The following CACNA1C variants were observed in gnomAD, a reference collection of about 807,000 sequenced individuals.
CACNA1C encodes the protein voltage-dependent L-type calcium channel subunit alpha-1C.
In CACNA1C, 30 loss-of-function variants were observed where a neutral mutation model predicts 229.0. That is an observed-to-expected ratio of 0.13 (90% CI 0.10 to 0.18). The LOEUF (loss-of-function observed/expected upper bound fraction) is 0.18, where lower values mean the gene tolerates loss of function less well. Among genes scored for constraint, CACNA1C ranks in the 10% least tolerant of loss-of-function variants. The pLI is 1.00. For missense variants in CACNA1C, 1,658 were observed against 2,845.0 expected (o/e 0.58, Z 9.49); for synonymous variants, 1,114 against 1,132.5 (o/e 0.98, Z 0.33).
At chr12:2,050,331 T>C (rs532830016), upstream of CACNA1C, among the ~76,000 whole-genome samples, 3 of 152,300 alleles carry the variant, frequency 2.0e-5, no homozygotes, top group African/African-American at 7.2e-5. Context: ...AGTCTCGAAG[T>C]CTCAGTTTCC....
intron 3 of CACNA1C, among the ~76,000 whole-genome samples, chr12:2,204,912 G>A (rs1326714461): frequency 6.8e-6 from 1 of 147,944 alleles, no homozygotes; most frequent in Non-Finnish European, 1.5e-5. Context: ...CCTGCACAAT[G>A]TGCACATGTA....
chr12:2,538,912 G>T (rs4765954), intron 9 of CACNA1C, among the ~76,000 whole-genome samples: 2 of 151,994 alleles, frequency 1.3e-5, no homozygotes, highest in African/African-American at 4.8e-5. Context: ...TCTATTCTGC[G>T]GTGGGGCTGG....
At chr12:2,495,797 T>A (rs2099745618) in intron 7 of CACNA1C, among the ~76,000 whole-genome samples, 1 of 152,216 alleles carries the variant, frequency 6.6e-6, no homozygotes. Context: ...TGTGTGCATT[T>A]GTATGTGTGT....
chr12:2,411,394 G>C (rs980427038), intron 3 of CACNA1C, among the ~76,000 whole-genome samples: 14 of 152,208 alleles, frequency 9.2e-5, no homozygotes, highest in African/African-American at 2.4e-4. Context: ...GGCTGGAGGT[G>C]GGGGGTACAC....
chr12:2,294,724 C>T (rs776361198), intron 3 of CACNA1C, among the ~76,000 whole-genome samples: 5 of 152,258 alleles, frequency 3.3e-5, no homozygotes, highest in East Asian at 1.9e-4. Flanking sequence ...TGTAACATGT[C>T]GCCTCAATAT....
chr12:1,997,481 C>A (rs899770972), intron 1 of CACNA1C, among the ~76,000 whole-genome samples: 1 of 152,148 alleles, frequency 6.6e-6, no homozygotes, highest in Admixed American at 6.5e-5. Context: ...GAGCTGTGAT[C>A]GTGCCACTGC....
intron 5 of CACNA1C, among the ~76,000 whole-genome samples, chr12:2,474,765 AAAAAAAAG>A (rs1406609071): frequency 6.6e-6 from 1 of 151,606 alleles, no homozygotes; most frequent in East Asian, 1.9e-4. Context: ...TCAAAAAAAA[AAAAAAAAG>A]AAAGAAAGAA....
At chr12:2,107,008 TG>T (rs1307927442) in intron 1 of CACNA1C, among the ~76,000 whole-genome samples, 11 of 107,874 alleles carry the variant, frequency 1.0e-4, no homozygotes, top group African/African-American at 2.9e-4. Context: ...CTGAAGCCAC[TG>T]GGTGCCCACC....
intron 30 of CACNA1C, among the ~76,000 whole-genome samples, chr12:2,644,981 G>A (rs1399340035): frequency 6.6e-6 from 1 of 152,112 alleles, no homozygotes; most frequent in African/African-American, 2.4e-5. Flanking sequence ...GAAAATGCCC[G>A]ACCTCTGCCT....
At position 2,504,582 on chromosome 12, in the gene CACNA1C, C is replaced by A; in HGVS notation, c.1114-260C>A. On this transcript the variant is annotated intron_variant, in intron 7 of 46. Transcript: ENST00000399655. The surrounding 1 kb of genome is among the most constrained non-coding windows in gnomAD (Gnocchi z 6.8). ...ATGTCCTCTCCACAACGCAGCCGAGCAAGGTCTCAGGTTCCACTCCGTACA... is the reference window on the plus strand; with the variant it reads ...ATGTCCTCTCCACAACGCAGCCGAGAAAGGTCTCAGGTTCCACTCCGTACA... 1 of 1,221,856 alleles carries A rather than the reference C, an allele frequency of 8.2e-7. No homozygotes were observed. Among genetic ancestry groups the A allele is most frequent in the Non-Finnish European group, 1.2e-6 (1 of 823,146 alleles). 75.7% of individuals were successfully genotyped at this position (1,221,856 alleles called of 1,614,324 possible).
intron 3 of CACNA1C, among the ~76,000 whole-genome samples, chr12:2,353,039 C>A (rs2097252680): frequency 6.6e-6 from 1 of 152,164 alleles, no homozygotes; most frequent in South Asian, 2.1e-4. Flanking sequence ...TTAAAGTAAT[C>A]TTGGTTGAGC....
At chr12:2,296,552 G>A (rs1429095054) in intron 3 of CACNA1C, among the ~76,000 whole-genome samples, 2 of 152,166 alleles carry the variant, frequency 1.3e-5, no homozygotes, top group Non-Finnish European at 2.9e-5. Context: ...AATAATTGGT[G>A]CTGCTTTCAG....
At position 2,450,363 on chromosome 12, in the gene CACNA1C, G is replaced by A. The variant is rs552190620; in HGVS notation, c.617+1248G>A. Reference sequence around the variant, plus strand: ...AGGTCAGGAGATCGAGACCATCCTGGCTAACACGGTGAAACCCCGTCTCTA... The same window carrying A: ...AGGTCAGGAGATCGAGACCATCCTGACTAACACGGTGAAACCCCGTCTCTA... On this transcript the variant is annotated intron_variant, in intron 4 of 46. Coordinates refer to ENST00000399655, the MANE Select transcript of CACNA1C (RefSeq NM_000719.7). 1.0e-3 allele frequency among the ~76,000 whole-genome samples: 156 copies of A among 151,710 alleles called. 1 individual carries two copies. The South Asian group carries it at 0.022, about 21-fold the overall frequency.
At position 2,666,726 on chromosome 12, in the gene CACNA1C, C is replaced by T. The variant is rs1305894712; in HGVS notation, c.4567C>T (p.Arg1523Trp). ...CCTGGATGTGGTGACCCTCCTCCGGCGGATTCAGCCGCCACTAGGTTTTGG... is the reference window on the plus strand; with the variant it reads ...CCTGGATGTGGTGACCCTCCTCCGGTGGATTCAGCCGCCACTAGGTTTTGG... Reference protein sequence around the residue: ...KHLDVVTLLRRIQPPLGFGKL... With the variant: ...KHLDVVTLLRWIQPPLGFGKL... Residue 1523 changes from arginine (R) to tryptophan (W), a missense_variant, in exon 37 of 47, where the codon CGG becomes TGG. Physicochemically the swap from Arg to Trp is moderately radical, Grantham distance 101. Transcript: ENST00000399655. The surrounding 1 kb of genome is among the most constrained non-coding windows in gnomAD (Gnocchi z 5.3). 5.0e-6 allele frequency: 8 copies of T among 1,603,040 alleles called. No homozygotes were observed. Among genetic ancestry groups the T allele is most frequent in the East Asian group, 2.2e-5 (1 of 44,526 alleles).
intron 1 of CACNA1C, among the ~76,000 whole-genome samples, chr12:2,038,597 A>G (rs2049545224): frequency 6.6e-6 from 1 of 152,240 alleles, no homozygotes; most frequent in Admixed American, 6.5e-5. Flanking sequence ...AGTTTTTGAT[A>G]AGTCAAAGAA....
At chr12:2,004,651 G>A (rs2043036757) in intron 1 of CACNA1C, 4 of 622,364 alleles carry the variant, frequency 6.4e-6, no homozygotes, top group Non-Finnish European at 8.2e-6. Flanking sequence ...CACTGGCAAC[G>A]ACAAGCCCAG....
intron 3 of CACNA1C, among the ~76,000 whole-genome samples, chr12:2,440,182 A>T (rs1455452728): frequency 6.6e-6 from 1 of 152,206 alleles, no homozygotes; most frequent in Non-Finnish European, 1.5e-5. Context: ...ATTCAGTGGC[A>T]TTAATCACAC....
chr12:2,560,152 G>A (rs1358978215), intron 11 of CACNA1C, among the ~76,000 whole-genome samples: 3 of 152,190 alleles, frequency 2.0e-5, no homozygotes, highest in Non-Finnish European at 4.4e-5. Context: ...ACATGAGCAG[G>A]TATCACACAG....
At position 2,488,912 on chromosome 12, in the gene CACNA1C, G is replaced by A. The variant is rs550421074; in HGVS notation, c.916+2650G>A. ...CACTCTGTCACTCTTAGCACAACAC[G>A]ATGCCGCTGCTATCAAGCCCTTGTC... is the stretch of plus-strand genomic sequence containing the variant. On this transcript the variant is annotated intron_variant, in intron 6 of 46. Transcript: ENST00000399655. The surrounding 1 kb of genome is among the most constrained non-coding windows in gnomAD (Gnocchi z 4.0). Among the ~76,000 whole-genome samples, 15 of 152,312 alleles carry A rather than the reference G, an allele frequency of 9.8e-5. No homozygotes were observed. In the South Asian group the frequency reaches 1.5e-3, roughly 15 times the overall value.
Sources: gnomAD v4.1 joint callset for allele counts (sites outside exome capture counted in the v4.1 genomes callset) on GRCh38, gnomAD v4.1.1 for gene constraint, Gnocchi (gnomAD v3.1) non-coding constraint, MANE v1.5 for transcripts, NCBI Gene and HGNC (gene_info 2026-07-23, HGNC 2026-07-21) for gene names.